Variants in PCDHA1 observed in about 807,000 individuals in gnomAD.
PCDHA1 encodes the protein protocadherin alpha-1.
A neutral mutation model predicts 61.3 loss-of-function variants in PCDHA1; 42 were observed. The ratio of observed to expected loss-of-function variants is 0.69; its 90% confidence interval spans 0.54 to 0.89. The LOEUF is 0.89. Ranked by LOEUF, PCDHA1 falls within the 40% of genes least tolerant of loss-of-function variation. PCDHA1 has a pLI of 0.00. For missense variants in PCDHA1, 1,256 were observed against 1,235.3 expected, an observed-to-expected ratio of 1.02 and a Z score of -0.25; for synonymous variants, 610 against 553.8, an observed-to-expected ratio of 1.10 and a Z score of -1.43.
chr5:140,806,645 G>A (rs1384203621), intron 1 of PCDHA1, among the ~76,000 whole-genome samples: 7 of 151,106 alleles, frequency 4.6e-5, no homozygotes, highest in African/African-American at 7.3e-5. Context: ...AGGGTGAAGA[G>A]GGTGTTATCA....
rs782141223 is a variant in PCDHA1, at chr5:140,929,191, AAC to A, written c.2395-49756_2395-49755del. On this transcript the variant is annotated intron_variant, in intron 1 of 3. Transcript: ENST00000504120. ...CTCTCTGGGACTTGGTTCTGATAAT[AAC>A]AGTTTGCTGTTGCGTGGGGAGTACA... is the stretch of plus-strand genomic sequence containing the variant. 3.1e-6 allele frequency: 5 copies of A among 1,614,000 alleles called. No homozygotes were observed. In the African/African-American group the frequency reaches 6.7e-5, roughly 22 times the overall value.
chr5:140,795,910 T>C (rs145876467), intron 1 of PCDHA1: 6 of 1,614,008 alleles, frequency 3.7e-6, no homozygotes, highest in East Asian at 2.2e-5. Flanking sequence ...AGCAAAGTCC[T>C]ACGAGATTCA....
chr5:140,990,198 C>T (rs954813003), intron 3 of PCDHA1, among the ~76,000 whole-genome samples: 5 of 151,968 alleles, frequency 3.3e-5, no homozygotes, highest in South Asian at 2.1e-4. Context: ...AATGTGGACC[C>T]GAAAGAGAAC....
intron 1 of PCDHA1, among the ~76,000 whole-genome samples, chr5:140,900,275 C>T (rs1260418745): frequency 9.2e-5 from 14 of 151,438 alleles, no homozygotes; most frequent in African/African-American, 2.9e-4. Context: ...GTATATGTAC[C>T]ACACTTTCTT....
intron 1 of PCDHA1, among the ~76,000 whole-genome samples, chr5:140,903,652 T>C (rs1304934693): frequency 6.6e-6 from 1 of 152,234 alleles, no homozygotes; most frequent in Non-Finnish European, 1.5e-5. Context: ...ATACATATAT[T>C]ATAAATTTAA....
intron 1 of PCDHA1, chr5:140,808,971 G>A (rs1441304336): frequency 1.2e-6 from 2 of 1,613,480 alleles, no homozygotes; most frequent in Non-Finnish European, 1.7e-6. Context: ...GCAAAGGTGC[G>A]CGCGGTGGAT....
At chr5:140,992,471 A>G (rs1563581785) in intron 3 of PCDHA1, among the ~76,000 whole-genome samples, 1 of 152,186 alleles carries the variant, frequency 6.6e-6, no homozygotes, top group Non-Finnish European at 1.5e-5. Context: ...TACTCTTTAG[A>G]TCACCCAGAG....
intron 1 of PCDHA1, among the ~76,000 whole-genome samples, chr5:140,871,921 A>G (rs1267841761): frequency 6.6e-6 from 1 of 152,296 alleles, no homozygotes; most frequent in African/African-American, 2.4e-5. Flanking sequence ...ATATTTCCAC[A>G]TTGTTAGATC....
intron 1 of PCDHA1, among the ~76,000 whole-genome samples, chr5:140,950,537 C>T (rs1439965496): frequency 1.3e-5 from 2 of 152,002 alleles, no homozygotes; most frequent in Non-Finnish European, 1.5e-5. Flanking sequence ...TTTTGTTGCT[C>T]TTGCATGGCT....
At chr5:140,954,947 T>G (rs2153704420) in intron 1 of PCDHA1, among the ~76,000 whole-genome samples, 1 of 152,360 alleles carries the variant, frequency 6.6e-6, no homozygotes, top group South Asian at 2.1e-4. Flanking sequence ...AGTTAATTTT[T>G]GTATAAGATG....
chr5:140,924,768 G>C lies in PCDHA1; in HGVS notation c.2395-54181G>C, dbSNP rs562954470. ...AAATTAACCGAGCATGGTGGTGCGCGCTTGTAGTCCTAGCTACTTAGGAGG... is the reference window on the plus strand; with the variant it reads ...AAATTAACCGAGCATGGTGGTGCGCCCTTGTAGTCCTAGCTACTTAGGAGG... On this transcript the variant is annotated intron_variant, in intron 1 of 3. Coordinates refer to ENST00000504120, the MANE Select transcript of PCDHA1 (RefSeq NM_018900.4). Among the ~76,000 whole-genome samples the C allele has an allele frequency of 3.9e-3, 597 of 151,896 alleles. 3 individuals are homozygous for C. The highest frequency in any genetic ancestry group is 0.014 in the African/African-American group (579 of 41,424).
At chr5:140,863,211 C>G in intron 1 of PCDHA1, 5 of 1,030,298 alleles carry the variant, frequency 4.9e-6, no homozygotes, top group Non-Finnish European at 7.2e-6. Context: ...CGGAGAGCAG[C>G]CAAGCGAGGA....
intron 1 of PCDHA1, chr5:140,881,346 A>G (rs534939044): frequency 1.0e-6 from 1 of 985,162 alleles, no homozygotes; most frequent in Non-Finnish European, 1.2e-6. Context: ...GATTCGGGCT[A>G]CAATGCGTGG....
rs868943937 is a variant in PCDHA1 at position 140,787,156 on chromosome 5, T to G, written c.866T>G (p.Ile289Ser). 1 of 1,613,828 alleles carries G rather than the reference T, an allele frequency of 6.2e-7. No homozygotes were observed. Among genetic ancestry groups the G allele is most frequent in the Middle Eastern group, 1.7e-4 (1 of 6,056 alleles). The stretch of plus-strand genomic sequence containing the variant: ...TTTGACAGTGGTATTTCTCGTGACA[T>G]TCAAGAAAAATTCAAAGTTGATTCC... The part of the protein sequence containing the change: ...FSFDSGISRD[I>S]QEKFKVDSSS... Residue 289 changes from isoleucine (I) to serine (S), a missense_variant, in exon 1 of 4, where the codon ATT becomes AGT. Physicochemically the swap from Ile to Ser is moderately radical, Grantham distance 142 (BLOSUM62 -2). Transcript: ENST00000504120.
At chr5:140,928,958 C>T in intron 1 of PCDHA1, 1 of 1,613,930 alleles carries the variant, frequency 6.2e-7, no homozygotes, top group South Asian at 1.1e-5. Flanking sequence ...ATTGCCTTGG[C>T]TTGTATTTCC....
At chr5:140,927,054 C>CT in intron 1 of PCDHA1, 1 of 1,611,076 alleles carries the variant, frequency 6.2e-7, no homozygotes, top group African/African-American at 1.3e-5. Context: ...CCTCGCGGAA[C>CT]TTTCGCTTCC....
chr5:140,854,108 AC>A lies in PCDHA1; in HGVS notation c.2394+65425del, dbSNP rs1233972098. The A allele has an allele frequency of 1.0e-4, 31 of 299,428 alleles. 3 individuals are homozygous for A. Among genetic ancestry groups the A allele is most frequent in the Non-Finnish European group, 1.4e-4 (30 of 208,480 alleles). The allele number at this position is 299,428 out of a possible 1,614,324, so 18.5% of individuals were successfully genotyped here. A position where few individuals can be genotyped will look rare whatever the true frequency, so the allele number is the denominator to read the frequency against. On this transcript the variant is annotated intron_variant, in intron 1 of 3. Transcript: ENST00000504120. ...GCCTGGGACATTGAGGCTGCAGTGA[AC>A]TGTGATGGCACAACTGCATTTCAGC...
At chr5:140,790,429 C>G (rs1383674433) in intron 1 of PCDHA1, among the ~76,000 whole-genome samples, 1 of 152,136 alleles carries the variant, frequency 6.6e-6, no homozygotes, top group Non-Finnish European at 1.5e-5. Flanking sequence ...ATATAATTTG[C>G]TAGTTAAGTT....
intron 1 of PCDHA1, among the ~76,000 whole-genome samples, chr5:140,902,415 G>T (rs887303649): frequency 1.3e-5 from 2 of 152,060 alleles, no homozygotes; most frequent in South Asian, 4.1e-4. Context: ...TTGAATAACA[G>T]TGGTGAAAGT....
Sources: gnomAD v4.1 joint callset for allele counts (sites outside exome capture counted in the v4.1 genomes callset) on GRCh38, gnomAD v4.1.1 for gene constraint, MANE v1.5 for transcripts, NCBI Gene and HGNC (gene_info 2026-07-23, HGNC 2026-07-21) for gene names.